ZCCHC17: variants seen among roughly 807,000 people sequenced by gnomAD.
ZCCHC17 encodes zinc finger CCHC domain-containing protein 17.
ZCCHC17 carries 18 observed loss-of-function variants against 30.6 expected under a neutral mutation model. That is an observed-to-expected ratio of 0.59 (90% CI 0.41 to 0.87). ZCCHC17 has a LOEUF of 0.87. Ranked by LOEUF, ZCCHC17 falls within the 40% of genes least tolerant of loss-of-function variation. The probability of loss-of-function intolerance (pLI) is 0.00; values close to 1 mark genes in which losing one functional copy is unlikely to be tolerated. For missense variants in ZCCHC17, 263 were observed against 284.2 expected (o/e 0.93, Z 0.54); for synonymous variants, 88 against 92.4 (o/e 0.95, Z 0.27).
In ZCCHC17 at chr1:31,346,620, C is replaced by T. The variant is rs12240113; in HGVS notation, c.318-20C>T. ...CATATCTCTTAAGGGGGCCGGCAGT[C>T]GGTATCTTTTTCATTATAGGCAAGA... On this transcript the variant is annotated intron_variant, in intron 5 of 7. Transcript: ENST00000344147. 6,952 of 1,594,158 alleles carry T rather than the reference C, an allele frequency of 4.4e-3. 239 individuals carry two copies. The African/African-American group carries it at 0.079, about 18-fold the overall frequency.
intron 5 of ZCCHC17, among the ~76,000 whole-genome samples, chr1:31,340,836 G>A (rs1364609967): frequency 2.6e-5 from 4 of 152,174 alleles, no homozygotes; most frequent in African/African-American, 9.7e-5. Context: ...TCTTATTGGT[G>A]AAAAGTTTGG....
intron 7 of ZCCHC17, among the ~76,000 whole-genome samples, chr1:31,355,575 T>A (rs1158907701): frequency 1.3e-5 from 2 of 152,210 alleles, no homozygotes; most frequent in African/African-American, 4.8e-5. Flanking sequence ...ATAACCCATG[T>A]CTTCAGATTA....
Position 31,319,119 on chromosome 1 carries a change from T to C in ZCCHC17, c.77T>C (p.Val26Ala). 2 of 1,610,590 alleles carry C rather than the reference T, an allele frequency of 1.2e-6. No individual in the cohort carries two copies. Among genetic ancestry groups the C allele is most frequent in the Non-Finnish European group, 1.7e-6 (2 of 1,177,368 alleles). Reference sequence around the variant, plus strand: ...CCCCCATCTTTATAGGTTGCTATGGTGACAGACTATGGGGCCTTTATCAAA... The same window carrying C: ...CCCCCATCTTTATAGGTTGCTATGGCGACAGACTATGGGGCCTTTATCAAA... ...YTIFQGEVAM[V>A]TDYGAFIKIP... Residue 26 changes from valine (V) to alanine (A), a missense_variant, in exon 3 of 8, where the codon GTG becomes GCG. Coordinates refer to ENST00000344147, the MANE Select transcript of ZCCHC17 (RefSeq NM_016505.4).
intron 5 of ZCCHC17, among the ~76,000 whole-genome samples, chr1:31,340,793 CAA>C (rs1336356816): frequency 5.3e-5 from 8 of 152,056 alleles, no homozygotes; most frequent in Non-Finnish European, 1.0e-4. Context: ...ATTTAAAAGA[CAA>C]GAAAAATGAT....
At chr1:31,312,981 C>A (rs1432299083) in intron 2 of ZCCHC17, among the ~76,000 whole-genome samples, 3 of 151,808 alleles carry the variant, frequency 2.0e-5, no homozygotes, top group Admixed American at 2.0e-4. Flanking sequence ...CCATGTTGGC[C>A]AGGCTAGTCT....
At chr1:31,356,442 G>A (rs1280346135) in intron 7 of ZCCHC17, among the ~76,000 whole-genome samples, 1 of 152,166 alleles carries the variant, frequency 6.6e-6, no homozygotes, top group Non-Finnish European at 1.5e-5. Context: ...GACCTGTTGA[G>A]GAACCACCAG....
intron 1 of ZCCHC17, chr1:31,297,309 G>A: frequency 2.5e-6 from 1 of 396,590 alleles, no homozygotes; most frequent in Admixed American, 4.4e-5. Context: ...CTTCAAGAGC[G>A]CCCATCGTGG....
At chr1:31,298,611 C>T (rs1015601732) in intron 1 of ZCCHC17, among the ~76,000 whole-genome samples, 1 of 152,184 alleles carries the variant, frequency 6.6e-6, no homozygotes, top group African/African-American at 2.4e-5. Context: ...TCTCCAACTC[C>T]TGGCCTCAAG....
intron 7 of ZCCHC17, among the ~76,000 whole-genome samples, chr1:31,350,802 A>T (rs1440775848): frequency 6.6e-6 from 1 of 152,082 alleles, no homozygotes; most frequent in Non-Finnish European, 1.5e-5. Flanking sequence ...GGGTTTCACC[A>T]TGTTGGCCAG....
intron 7 of ZCCHC17, among the ~76,000 whole-genome samples, chr1:31,353,966 A>G (rs1639555840): frequency 1.3e-5 from 2 of 152,172 alleles, no homozygotes; most frequent in Admixed American, 1.3e-4. Context: ...ATTTCATATG[A>G]ATTTTAAGAT....
At chr1:31,322,437 T>G (rs1646882784) in intron 3 of ZCCHC17, among the ~76,000 whole-genome samples, 1 of 152,192 alleles carries the variant, frequency 6.6e-6, no homozygotes, top group Non-Finnish European at 1.5e-5. Context: ...AATGCTATAG[T>G]TACTATTAGT....
At chr1:31,346,767 C>T (rs369688742) in intron 6 of ZCCHC17, 27 bp downstream of exon 6, 94 of 1,613,644 alleles carry the variant, frequency 5.8e-5, no homozygotes, top group Middle Eastern at 1.6e-4. Flanking sequence ...GCCCTTTCCA[C>T]GTTTCTCTCC....
intron 3 of ZCCHC17, 55 bp downstream of exon 3, chr1:31,319,221 C>A: frequency 7.1e-7 from 1 of 1,402,580 alleles, no homozygotes; most frequent in Non-Finnish European, 1.0e-6. Context: ...TGCTAACACT[C>A]CACCACCTCC....
intron 3 of ZCCHC17, among the ~76,000 whole-genome samples, chr1:31,332,869 G>T (rs536665080): frequency 7.2e-5 from 11 of 152,152 alleles, no homozygotes; most frequent in Non-Finnish European, 1.2e-4. Context: ...TGATCCACCC[G>T]GCTCAGCCTC....
At chr1:31,363,565 G>T (rs1640011940) in intron 7 of ZCCHC17, among the ~76,000 whole-genome samples, 1 of 152,132 alleles carries the variant, frequency 6.6e-6, no homozygotes, top group Non-Finnish European at 1.5e-5. Context: ...GCCAAGGTGG[G>T]CAGATTGCTT....
At chr1:31,325,956 G>A (rs1466847418) in intron 3 of ZCCHC17, among the ~76,000 whole-genome samples, 2 of 150,572 alleles carry the variant, frequency 1.3e-5, no homozygotes, top group Non-Finnish European at 2.9e-5. Flanking sequence ...TTGTGCCACC[G>A]CACCCCAGCC....
intron 1 of ZCCHC17, among the ~76,000 whole-genome samples, chr1:31,309,783 A>T (rs1646553313): frequency 1.3e-5 from 2 of 152,190 alleles, no homozygotes; most frequent in South Asian, 4.1e-4. Flanking sequence ...GGCAAAAAAA[A>T]TAGCAAAAAT....
intron 1 of ZCCHC17, among the ~76,000 whole-genome samples, chr1:31,308,566 G>A (rs1284597028): frequency 1.3e-5 from 2 of 152,246 alleles, no homozygotes; most frequent in African/African-American, 4.8e-5. Context: ...GGTGTCAAAT[G>A]TAATTGGGAG....
At chr1:31,348,768 T>G in intron 6 of ZCCHC17, 61 bp from the exon 7 acceptor site, 1 of 1,600,614 alleles carries the variant, frequency 6.2e-7, no homozygotes, top group East Asian at 2.2e-5. Context: ...GGGGAAAGAT[T>G]CACTTGCTGA....
Sources: allele counts gnomAD v4.1 joint callset (sites outside exome capture counted in the v4.1 genomes callset), GRCh38; gene constraint gnomAD v4.1.1; transcripts MANE v1.5; gene names NCBI Gene and HGNC (gene_info 2026-07-23, HGNC 2026-07-21).